Variants in SNRNP40 observed in about 807,000 individuals in gnomAD.
SNRNP40 encodes the protein small nuclear ribonucleoprotein U5 subunit 40.
Under a neutral mutation model 45.8 loss-of-function variants are expected in SNRNP40, and 21 were observed. The ratio of observed to expected loss-of-function variants is 0.46; its 90% CI spans 0.32 to 0.66. The LOEUF (loss-of-function observed/expected upper bound fraction) is 0.66, where lower values mean the gene tolerates loss of function less well. SNRNP40 is among the 30% of genes least tolerant of loss of function. The probability of loss-of-function intolerance (pLI) is 0.03; values close to 1 mark genes in which losing one functional copy is unlikely to be tolerated. For synonymous variants in SNRNP40, 142 were observed against 163.8 expected (o/e 0.87, Z 1.01); for missense variants, 344 against 439.1 (o/e 0.78, Z 1.94).
intron 4 of SNRNP40, among the ~76,000 whole-genome samples, chr1:31,282,675 C>A (rs1336408145): frequency 6.6e-6 from 1 of 151,352 alleles, no homozygotes; most frequent in Non-Finnish European, 1.5e-5. Context: ...TATCTAATCT[C>A]TATCTATCTA....
In SNRNP40 at chr1:31,289,437, G is replaced by A. The variant is rs551331618; in HGVS notation, c.366-18C>T. On this transcript the variant is annotated intron_variant, in intron 3 of 9. Coordinates refer to ENST00000263694, the MANE Select transcript of SNRNP40 (RefSeq NM_004814.3). ...AAAGCATACTAGAAAGTAAGAGAAA[G>A]AATAAAAAAGAAATAAGTGAAGATA... 6.9e-6 allele frequency: 11 copies of A among 1,597,078 alleles called. No homozygotes were observed. In the South Asian group the frequency reaches 7.8e-5, roughly 11 times the overall value.
intron 8 of SNRNP40, among the ~76,000 whole-genome samples, chr1:31,262,741 T>G (rs977262437): frequency 6.6e-6 from 1 of 151,936 alleles, no homozygotes; most frequent in African/African-American, 2.4e-5. Context: ...ATTATGAGGC[T>G]GGGCATGGTG....
intron 7 of SNRNP40, 102 bp from the exon 8 acceptor site, chr1:31,268,034 T>C: frequency 2.7e-6 from 2 of 737,054 alleles, no homozygotes; most frequent in Admixed American, 2.3e-5. Flanking sequence ...AGAGTTTTAA[T>C]TACTCTTCTC....
At chr1:31,261,049 G>C (rs1645855299) in intron 9 of SNRNP40, 1 of 1,279,058 alleles carries the variant, frequency 7.8e-7, no homozygotes, top group Non-Finnish European at 1.0e-6. Context: ...CCCACATAAA[G>C]ACTGTTTGCA....
intron 8 of SNRNP40, among the ~76,000 whole-genome samples, chr1:31,262,426 CAGG>C (rs1332192140): frequency 6.8e-6 from 1 of 146,440 alleles, no homozygotes; most frequent in Non-Finnish European, 1.5e-5. Context: ...GAGGCTGAGG[CAGG>C]AGAATTGCCT....
In SNRNP40 at chr1:31,292,008, T is replaced by C. The variant is rs1309044219; in HGVS notation, c.272-2A>G. On this transcript the variant is annotated splice_acceptor_variant, in intron 2 of 9. Transcript: ENST00000263694. LOFTEE classifies it high-confidence loss of function. The stretch of plus-strand genomic sequence containing the variant: ...AGTCACCATAGACATTCCACAGTAC[T>C]GTTAGGGAGATGGGTTCTGTGAGCA... 3 of 1,590,486 alleles carry C rather than the reference T, an allele frequency of 1.9e-6. No individual in the cohort carries two copies. Among genetic ancestry groups the C allele is most frequent in the South Asian group, 1.1e-5 (1 of 90,602 alleles).
chr1:31,281,600 C>G (rs1646016993), intron 4 of SNRNP40, 104 bp from the exon 5 acceptor site: 2 of 975,424 alleles, frequency 2.1e-6, no homozygotes, highest in Non-Finnish European at 2.9e-6. Flanking sequence ...ATGAACACAT[C>G]TATAATTGGG....
chr1:31,288,686 C>T (rs1316681362), intron 4 of SNRNP40, among the ~76,000 whole-genome samples: 1 of 97,396 alleles, frequency 1.0e-5, no homozygotes, highest in East Asian at 2.5e-4. Context: ...TTTTTTGCTA[C>T]CTCCCTGTTG....
intron 4 of SNRNP40, among the ~76,000 whole-genome samples, chr1:31,286,841 A>G (rs2148389491): frequency 6.6e-6 from 1 of 152,284 alleles, no homozygotes; most frequent in Admixed American, 6.5e-5. Flanking sequence ...ACTCTGGGCC[A>G]CCTTGGCCCA....
At chr1:31,291,811 T>A in intron 3 of SNRNP40, 102 bp downstream of exon 3, 1 of 777,720 alleles carries the variant, frequency 1.3e-6, no homozygotes, top group East Asian at 2.5e-5. Flanking sequence ...CTACCCAAAA[T>A]TAGTAGTTTT....
intron 3 of SNRNP40, among the ~76,000 whole-genome samples, chr1:31,290,907 TAAA>T (rs776663836): frequency 8.6e-5 from 13 of 151,274 alleles, no homozygotes; most frequent in African/African-American, 3.2e-4. Context: ...AATAAATAAA[TAAA>T]AAAGATTGTA....
chr1:31,287,765 C>T (rs1383188890), intron 4 of SNRNP40, among the ~76,000 whole-genome samples: 3 of 152,008 alleles, frequency 2.0e-5, no homozygotes, highest in African/African-American at 4.8e-5. Flanking sequence ...TTTGGGAGGC[C>T]GAGGGGGGCG....
intron 5 of SNRNP40, among the ~76,000 whole-genome samples, chr1:31,277,968 T>A (rs1645988077): frequency 6.6e-6 from 1 of 152,258 alleles, no homozygotes; most frequent in Non-Finnish European, 1.5e-5. Flanking sequence ...GTGTTTGGAT[T>A]ACAGGCGTGA....
chr1:31,276,417 C>T (rs1645975262), intron 5 of SNRNP40, among the ~76,000 whole-genome samples: 1 of 151,844 alleles, frequency 6.6e-6, no homozygotes, highest in African/African-American at 2.4e-5. Context: ...AACTACAATT[C>T]TAAGAAAATA....
chr1:31,284,579 A>T (rs1646042359), intron 4 of SNRNP40, among the ~76,000 whole-genome samples: 4 of 152,238 alleles, frequency 2.6e-5, no homozygotes. Flanking sequence ...CAAGTAAATG[A>T]TTTAAAAGTA....
chr1:31,280,220 G>A (rs1406895098), intron 5 of SNRNP40, among the ~76,000 whole-genome samples: 1 of 146,940 alleles, frequency 6.8e-6, no homozygotes, highest in Non-Finnish European at 1.5e-5. Flanking sequence ...CTGGAGTGCA[G>A]TGGCGTGATC....
intron 4 of SNRNP40, among the ~76,000 whole-genome samples, chr1:31,285,467 G>A (rs1022040459): frequency 1.3e-5 from 2 of 151,968 alleles, no homozygotes; most frequent in African/African-American, 2.4e-5. Context: ...TCAAACTCCC[G>A]ACCTCAAGTG....
At chr1:31,284,446 G>A (rs950037758) in intron 4 of SNRNP40, among the ~76,000 whole-genome samples, 7 of 152,280 alleles carry the variant, frequency 4.6e-5, no homozygotes, top group African/African-American at 9.6e-5. Flanking sequence ...CACTGCACCC[G>A]GCCAAGACCC....
At chr1:31,291,461 A>C (rs960406239) in intron 3 of SNRNP40, among the ~76,000 whole-genome samples, 2 of 152,168 alleles carry the variant, frequency 1.3e-5, no homozygotes, top group Non-Finnish European at 2.9e-5. Flanking sequence ...TGGGAGGCTG[A>C]GGCAGGTGGA....
Sources: allele counts gnomAD v4.1 joint callset (sites outside exome capture counted in the v4.1 genomes callset), GRCh38; gene constraint gnomAD v4.1.1; transcripts MANE v1.5; gene names NCBI Gene and HGNC (gene_info 2026-07-23, HGNC 2026-07-21).